Variants in ABLIM2 observed in about 807,000 individuals in gnomAD.
ABLIM2 encodes actin binding LIM protein family member 2.
In ABLIM2, 53 loss-of-function variants were observed where a neutral mutation model predicts 97.7. The observed-to-expected ratio is 0.54, with a 90% CI of 0.44 to 0.68. The LOEUF (loss-of-function observed/expected upper bound fraction) is 0.68, where lower values mean the gene tolerates loss of function less well. ABLIM2 is among the 30% of genes least tolerant of loss of function. ABLIM2 has a pLI of 0.00. For synonymous variants in ABLIM2, 361 were observed against 345.8 expected, an observed-to-expected ratio of 1.04 and a Z score of -0.49; for missense variants, 835 against 867.2, an observed-to-expected ratio of 0.96 and a Z score of 0.47.
At chr4:8,134,398 A>ACTGGGC (rs1849883268) in intron 1 of ABLIM2, among the ~76,000 whole-genome samples, 1 of 152,010 alleles carries the variant, frequency 6.6e-6, no homozygotes, top group Non-Finnish European at 1.5e-5. Flanking sequence ...CAGGCCGGAA[A>ACTGGGC]CTGGGCCGTC....
In ABLIM2 at chr4:8,132,761, A is replaced by G. The variant is rs1849610844; in HGVS notation, c.10+25919T>C. Among the ~76,000 whole-genome samples the G allele has an allele frequency of 6.6e-6, 1 of 152,116 alleles. No individual in the cohort carries two copies. The highest frequency in any genetic ancestry group is 2.4e-5 in the African/African-American group (1 of 41,412). On this transcript the variant is annotated intron_variant, in intron 1 of 20. Transcript: ENST00000447017. This position sits in a 1 kb window ranked among gnomAD's most constrained non-coding sequence, Gnocchi z 8.0. ...TGGGCCCAGCGACTGAACCTCTTAG[A>G]GCCTCAGTTTCCTCATCTGTAAATG...
rs1849632794 is a variant in ABLIM2, at chr4:8,132,917, T to C, written c.10+25763A>G. Reference sequence around the variant, plus strand: ...GTTCCCCAGTTCCTGACTCGATGGGTGTCCCGTGGCTGCTGTGACACAGTG... The same window carrying C: ...GTTCCCCAGTTCCTGACTCGATGGGCGTCCCGTGGCTGCTGTGACACAGTG... On this transcript the variant is annotated intron_variant, in intron 1 of 20. Coordinates refer to ENST00000447017, the MANE Select transcript of ABLIM2 (RefSeq NM_001130083.2). This position sits in a 1 kb window ranked among gnomAD's most constrained non-coding sequence, Gnocchi z 8.0. 6.6e-6 allele frequency among the ~76,000 whole-genome samples: 1 copy of C among 152,162 alleles called. No homozygotes were observed. The highest frequency in any genetic ancestry group is 2.4e-5 in the African/African-American group (1 of 41,438).
rs1433805516 is a variant in ABLIM2 at position 7,992,127 on chromosome 4, C to T, written c.1680+739G>A. 1.3e-5 allele frequency among the ~76,000 whole-genome samples: 2 copies of T among 151,970 alleles called. No individual in the cohort carries two copies. Among genetic ancestry groups the T allele is most frequent in the African/African-American group, 4.8e-5 (2 of 41,358 alleles). ...TCTGGGACCAGCAAGCCTGCCCCAC[C>T]CTAAGGATCCTCACTGGGGACCCCT... is the stretch of plus-strand genomic sequence containing the variant. On this transcript the variant is annotated intron_variant, in intron 17 of 20. Coordinates refer to ENST00000447017, the MANE Select transcript of ABLIM2 (RefSeq NM_001130083.2). The surrounding 1 kb of genome is among the most constrained non-coding windows in gnomAD (Gnocchi z 5.7).
At chr4:8,118,368 G>A (rs1843719440) in intron 1 of ABLIM2, among the ~76,000 whole-genome samples, 3 of 152,198 alleles carry the variant, frequency 2.0e-5, no homozygotes, top group Admixed American at 1.3e-4. Context: ...GGGTTGTAGG[G>A]AGGCCTCTGT....
chr4:7,971,355 A>G (rs901011605), intron 20 of ABLIM2, among the ~76,000 whole-genome samples: 9 of 152,014 alleles, frequency 5.9e-5, no homozygotes. Flanking sequence ...GGGCCCGCGC[A>G]GGACAAGCAC....
intron 20 of ABLIM2, among the ~76,000 whole-genome samples, chr4:7,973,596 G>A (rs1056577824): frequency 4.6e-5 from 7 of 152,158 alleles, no homozygotes; most frequent in African/African-American, 7.2e-5. Flanking sequence ...GCCCTGGACC[G>A]TGTTAAGCAG....
At position 8,058,741 on chromosome 4, in the gene ABLIM2, C is replaced by T. The variant is rs1800993132; in HGVS notation, c.763+2226G>A. 6.6e-6 allele frequency among the ~76,000 whole-genome samples: 1 copy of T among 152,164 alleles called. No individual in the cohort carries two copies. Among genetic ancestry groups the T allele is most frequent in the African/African-American group, 2.4e-5 (1 of 41,428 alleles). ...ACTTTGCCCAGGTCTCCACCATCAC[C>T]CTCCCAACCCATCCAGTCTTAGGCC... On this transcript the variant is annotated intron_variant, in intron 7 of 20. Transcript: ENST00000447017. This position sits in a 1 kb window ranked among gnomAD's most constrained non-coding sequence, Gnocchi z 4.2.
At position 8,157,593 on chromosome 4, in the gene ABLIM2, C is replaced by T. The variant is rs556910872; in HGVS notation, c.10+1087G>A. Among the ~76,000 whole-genome samples, 5 of 152,366 alleles carry T rather than the reference C, an allele frequency of 3.3e-5. No individual in the cohort carries two copies. In the East Asian group the frequency reaches 9.6e-4, roughly 29 times the overall value. ...GTCCCTGGCCCTTAGCCCCCGCCCCCTTCTAGGCCTACAGCCCACAGGAAG... is the reference window on the plus strand; with the variant it reads ...GTCCCTGGCCCTTAGCCCCCGCCCCTTTCTAGGCCTACAGCCCACAGGAAG... On this transcript the variant is annotated intron_variant, in intron 1 of 20. Coordinates refer to ENST00000447017, the MANE Select transcript of ABLIM2 (RefSeq NM_001130083.2).
rs951283969 is a variant in ABLIM2, at chr4:8,015,268, G to A, written c.1423+4350C>T. Among the ~76,000 whole-genome samples, 14 of 152,110 alleles carry A rather than the reference G, an allele frequency of 9.2e-5. No individual in the cohort carries two copies. The highest frequency in any genetic ancestry group is 1.9e-4 in the Non-Finnish European group (13 of 68,016). ...GCCTCTCTGCATTCACTGCACTGCA[G>A]AAGGAGAGGTTAGCGTGTCTTTTGT... On this transcript the variant is annotated intron_variant, in intron 14 of 20. Transcript: ENST00000447017. This position sits in a 1 kb window ranked among gnomAD's most constrained non-coding sequence, Gnocchi z 4.6.
intron 16 of ABLIM2, among the ~76,000 whole-genome samples, chr4:7,997,313 G>A (rs1479628298): frequency 1.3e-5 from 2 of 152,084 alleles, no homozygotes; most frequent in African/African-American, 4.8e-5. Flanking sequence ...CTCGTGATCC[G>A]CCCACCTCGG....
At position 8,111,888 on chromosome 4, in the gene ABLIM2, C is replaced by T. The variant is rs189722570; in HGVS notation, c.11-5251G>A. The stretch of plus-strand genomic sequence containing the variant: ...GTCGCAGTGAGCCAAGATTGTGCCA[C>T]AGCACTCCAGCCTGGGTGACAGAAT... On this transcript the variant is annotated intron_variant, in intron 1 of 20. Coordinates refer to ENST00000447017, the MANE Select transcript of ABLIM2 (RefSeq NM_001130083.2). Among the ~76,000 whole-genome samples the T allele has an allele frequency of 3.7e-5, 5 of 133,420 alleles. No homozygotes were observed. In the East Asian group the frequency reaches 1.1e-3, roughly 29 times the overall value. 87.5% of individuals were successfully genotyped at this position (133,420 alleles called of 152,430 possible). A position where few individuals can be genotyped will look rare whatever the true frequency, so the allele number is the denominator to read the frequency against.
chr4:8,090,845 C>T (rs1430886700), intron 3 of ABLIM2, among the ~76,000 whole-genome samples: 1 of 152,058 alleles, frequency 6.6e-6, no homozygotes, highest in Non-Finnish European at 1.5e-5. Flanking sequence ...CAGTGTCCAT[C>T]CCATGGATAA....
At chr4:8,038,070 C>T (rs1020257132) in intron 9 of ABLIM2, among the ~76,000 whole-genome samples, 2 of 152,228 alleles carry the variant, frequency 1.3e-5, no homozygotes, top group Non-Finnish European at 2.9e-5. Flanking sequence ...CCTGTTGCTG[C>T]TTCTCGATTC....
chr4:8,146,113 T>A (rs1243793636), intron 1 of ABLIM2, among the ~76,000 whole-genome samples: 2 of 152,246 alleles, frequency 1.3e-5, no homozygotes, highest in African/African-American at 4.8e-5. Flanking sequence ...GCGTCCTGTA[T>A]TCTTCGTCTA....
At chr4:8,152,618 A>G (rs1713388473) in intron 1 of ABLIM2, among the ~76,000 whole-genome samples, 3 of 152,212 alleles carry the variant, frequency 2.0e-5, no homozygotes, top group South Asian at 2.1e-4. Context: ...GCTGGGTGCG[A>G]GCCTCGGAGG....
intron 3 of ABLIM2, among the ~76,000 whole-genome samples, chr4:8,092,042 G>C (rs1829126073): frequency 6.8e-6 from 1 of 146,604 alleles, no homozygotes; most frequent in African/African-American, 2.5e-5. Context: ...CTGTCACCCA[G>C]GCTGGAGTGC....
intron 17 of ABLIM2, among the ~76,000 whole-genome samples, chr4:7,991,860 G>A (rs557523224): frequency 1.3e-5 from 2 of 152,278 alleles, no homozygotes; most frequent in South Asian, 2.1e-4. Context: ...GGACACCCAC[G>A]GCTTCTGGAG....
At chr4:8,084,908 C>T (rs1032886237) in intron 4 of ABLIM2, among the ~76,000 whole-genome samples, 3 of 152,352 alleles carry the variant, frequency 2.0e-5, no homozygotes, top group Non-Finnish European at 2.9e-5. Flanking sequence ...TTCGGCACGG[C>T]GCTCGCACTC....
chr4:8,083,972 C>G lies in ABLIM2; in HGVS notation c.455-3170G>C, dbSNP rs1301308080. Among the ~76,000 whole-genome samples, 1 of 152,084 alleles carries G rather than the reference C, an allele frequency of 6.6e-6. No individual in the cohort carries two copies. The highest frequency in any genetic ancestry group is 2.4e-5 in the African/African-American group (1 of 41,398). ...CAGCCTCCTGGAGCCTCAGCTGGAG[C>G]TCAGGGGGTGCAGGTGCAGGAGCCA... On this transcript the variant is annotated intron_variant, in intron 4 of 20. Coordinates refer to ENST00000447017, the MANE Select transcript of ABLIM2 (RefSeq NM_001130083.2). This position sits in a 1 kb window ranked among gnomAD's most constrained non-coding sequence, Gnocchi z 4.6.
Sources: gnomAD v4.1 joint callset for allele counts (sites outside exome capture counted in the v4.1 genomes callset) on GRCh38, gnomAD v4.1.1 for gene constraint, Gnocchi (gnomAD v3.1) non-coding constraint, MANE v1.5 for transcripts, NCBI Gene and HGNC (gene_info 2026-07-23, HGNC 2026-07-21) for gene names.